Variants in AFG2A observed in about 807,000 individuals in gnomAD.
AFG2A encodes the protein ATPase family gene 2 protein homolog A.
At chr4:123,225,065 T>G in the AFG2A span, among the ~76,000 whole-genome samples, 3,281 of 152,326 alleles carry the variant, frequency 0.022, 65 homozygotes, top group Non-Finnish European at 0.035. Flanking sequence ...GTTGTTTGTT[T>G]TTTTCTTGTA....
At chr4:123,227,824 C>T in the AFG2A span, among the ~76,000 whole-genome samples, 1 of 152,082 alleles carries the variant, frequency 6.6e-6, no homozygotes, top group Admixed American at 6.6e-5. Context: ...TAAAGTCTCC[C>T]ATTATTATTG....
the AFG2A span, among the ~76,000 whole-genome samples, chr4:123,185,618 T>C: frequency 6.6e-6 from 1 of 152,198 alleles, no homozygotes; most frequent in Non-Finnish European, 1.5e-5. Flanking sequence ...TAATTTTACC[T>C]CTTACCAAAA....
the AFG2A span, among the ~76,000 whole-genome samples, chr4:122,948,017 G>A: frequency 0.87 from 132,616 of 152,022 alleles, 58,129 homozygotes; most frequent in East Asian, 0.96. Flanking sequence ...AGCATATAAT[G>A]CATATAAAAA....
the AFG2A span, among the ~76,000 whole-genome samples, chr4:123,142,604 G>T: frequency 1.3e-5 from 2 of 151,956 alleles, no homozygotes; most frequent in Non-Finnish European, 2.9e-5. Flanking sequence ...CGTTAACTTT[G>T]GTAATCTGTC....
At chr4:123,070,481 G>A in the AFG2A span, among the ~76,000 whole-genome samples, 2 of 152,134 alleles carry the variant, frequency 1.3e-5, no homozygotes, top group African/African-American at 4.8e-5. Context: ...TCAAGGTGCT[G>A]TCATATTTGA....
the AFG2A span, among the ~76,000 whole-genome samples, chr4:123,219,767 C>G: frequency 2.6e-5 from 4 of 152,078 alleles, no homozygotes; most frequent in South Asian, 2.1e-4. Flanking sequence ...AAGTAGTACT[C>G]TGTAACAAGA....
At chr4:122,929,162 T>G in the AFG2A span, 1 of 1,610,828 alleles carries the variant, frequency 6.2e-7, no homozygotes, top group Non-Finnish European at 8.5e-7. Context: ...TTGTGGGTGC[T>G]GTGCTACAGG....
the AFG2A span, among the ~76,000 whole-genome samples, chr4:123,268,984 G>T: frequency 2.0e-5 from 3 of 152,126 alleles, no homozygotes; most frequent in African/African-American, 7.2e-5. Flanking sequence ...AAGACTAGTA[G>T]GTGAAAATTG....
At chr4:123,053,667 A>G in the AFG2A span, among the ~76,000 whole-genome samples, 1 of 152,116 alleles carries the variant, frequency 6.6e-6, no homozygotes, top group Non-Finnish European at 1.5e-5. Context: ...GTCTCCCAGC[A>G]GGTCCGTACA....
At chr4:123,295,287 A>T in the AFG2A span, among the ~76,000 whole-genome samples, 1 of 152,226 alleles carries the variant, frequency 6.6e-6, no homozygotes, top group Non-Finnish European at 1.5e-5. Context: ...GGCAAGGTGA[A>T]AAATGGGAAG....
the AFG2A span, among the ~76,000 whole-genome samples, chr4:123,205,820 A>G: frequency 6.6e-6 from 1 of 152,186 alleles, no homozygotes; most frequent in Non-Finnish European, 1.5e-5. Context: ...TATCATTACA[A>G]CTATCACCAT....
the AFG2A span, among the ~76,000 whole-genome samples, chr4:123,309,821 G>A: frequency 6.6e-6 from 1 of 152,284 alleles, no homozygotes; most frequent in Admixed American, 6.5e-5. Flanking sequence ...CTGGTCCCAA[G>A]CATTTCAGAT....
chr4:123,041,535 TTTG>T, the AFG2A span, among the ~76,000 whole-genome samples: 24 of 151,910 alleles, frequency 1.6e-4, no homozygotes, highest in Admixed American at 1.4e-3. Context: ...TTTGTTTGTT[TTTG>T]TTGTTTTTTT....
At chr4:123,032,489 T>C in the AFG2A span, among the ~76,000 whole-genome samples, 6 of 151,850 alleles carry the variant, frequency 4.0e-5, no homozygotes, top group African/African-American at 1.5e-4. Flanking sequence ...GCCTCCCGGG[T>C]TCAAGCAATT....
the AFG2A span, among the ~76,000 whole-genome samples, chr4:123,008,761 G>C: frequency 6.6e-6 from 1 of 152,114 alleles, no homozygotes; most frequent in African/African-American, 2.4e-5. Flanking sequence ...GGAAAAGTAG[G>C]GTAGATTGAT....
At chr4:122,987,493 T>C in the AFG2A span, among the ~76,000 whole-genome samples, 1 of 152,110 alleles carries the variant, frequency 6.6e-6, no homozygotes, top group Admixed American at 6.5e-5. Context: ...CTTTGTTCCT[T>C]TCTTCTTCTC....
chr4:123,124,576 A>G, the AFG2A span, among the ~76,000 whole-genome samples: 1 of 152,212 alleles, frequency 6.6e-6, no homozygotes, highest in Non-Finnish European at 1.5e-5. Flanking sequence ...AACATGGCAC[A>G]TGTATACATG....
chr4:123,256,311 T>A, the AFG2A span: 2 of 989,384 alleles, frequency 2.0e-6, no homozygotes, highest in South Asian at 3.6e-5. Flanking sequence ...GGAAGTGCAG[T>A]ACATGACATA....
the AFG2A span, among the ~76,000 whole-genome samples, chr4:122,946,969 G>A: frequency 6.6e-6 from 1 of 152,084 alleles, no homozygotes; most frequent in East Asian, 1.9e-4. Flanking sequence ...TGTCATAGTA[G>A]ATGGAGAGGT....
Sources: allele counts gnomAD v4.1 joint callset (sites outside exome capture counted in the v4.1 genomes callset), GRCh38; gene constraint gnomAD v4.1.1; transcripts MANE v1.5; gene names NCBI Gene and HGNC (gene_info 2026-07-23, HGNC 2026-07-21).